The following NDUFC1 variants were observed in gnomAD, a reference collection of about 807,000 sequenced individuals.
NDUFC1 encodes the protein NADH:ubiquinone oxidoreductase subunit C1, also known as NADH dehydrogenase [ubiquinone] 1 subunit C1, mitochondrial.
Under a neutral mutation model 11.6 loss-of-function variants are expected in NDUFC1, and 11 were observed. The observed-to-expected ratio is 0.95, with a 90% confidence interval of 0.60 to 1.58. The LOEUF is 1.58. Among genes scored for constraint, NDUFC1 ranks in the 40% most tolerant of loss-of-function variants. The pLI is 0.00. For missense variants in NDUFC1, 112 were observed against 93.0 expected (o/e 1.20, Z -0.84); for synonymous variants, 52 against 42.2 (o/e 1.23, Z -0.90).
intron 1 of NDUFC1, chr4:139,301,323 G>A: frequency 1.0e-5 from 4 of 399,384 alleles, no homozygotes; most frequent in Non-Finnish European, 1.8e-5. Flanking sequence ...GGCGCTTCGA[G>A]GGTACCACGC....
At chr4:139,295,470 A>G (rs1426034156) in intron 3 of NDUFC1, among the ~76,000 whole-genome samples, 1 of 152,052 alleles carries the variant, frequency 6.6e-6, no homozygotes, top group Non-Finnish European at 1.5e-5. Flanking sequence ...TAACGTACAG[A>G]GGTGGGGAAG....
At chr4:139,301,816 C>G (rs531350160) in intron 1 of NDUFC1, 1 of 1,593,950 alleles carries the variant, frequency 6.3e-7, no homozygotes, top group Non-Finnish European at 8.5e-7. Context: ...AGAATGCGCT[C>G]TTCAAGCGGA....
chr4:139,301,913 C>T, intron 1 of NDUFC1: 1 of 1,435,010 alleles, frequency 7.0e-7, no homozygotes, highest in East Asian at 2.6e-5. Flanking sequence ...GCCCGGCGGG[C>T]ACTGAGCCAC....
In NDUFC1 at chr4:139,295,035, G is replaced by C. The variant is rs1422842668; in HGVS notation, c.171+8C>G. The stretch of plus-strand genomic sequence containing the variant: ...TAGTCTCACGACATCCGGGAGTAAA[G>C]TACTTACATAGATCCACAAGAAGAC... On this transcript the variant is annotated splice_region_variant and intron_variant, in intron 4 of 5. Coordinates refer to ENST00000394223, the MANE Select transcript of NDUFC1 (RefSeq NM_001184989.2). The C allele has an allele frequency of 1.2e-6, 2 of 1,607,854 alleles. No homozygotes were observed. The highest frequency in any genetic ancestry group is 8.5e-7 in the Non-Finnish European group (1 of 1,174,968).
chr4:139,298,193 A>G (rs974945232), intron 1 of NDUFC1, among the ~76,000 whole-genome samples: 1 of 152,194 alleles, frequency 6.6e-6, no homozygotes, highest in African/African-American at 2.4e-5. Flanking sequence ...TAATCCCAGC[A>G]CTTTGGGAGG....
Position 139,295,068 on chromosome 4 carries a change from C to T in NDUFC1, c.146G>A (p.Gly49Asp). 6.2e-7 allele frequency: 1 copy of T among 1,614,070 alleles called. No homozygotes were observed. The highest frequency in any genetic ancestry group is 2.2e-5 in the East Asian group (1 of 44,878). ...ATAGATCCACAAGAAGACAGTGGTG[C>T]CCAAGGTGAACCCAACTTTCAGCCA... ...PDWLKVGFTL[G>D]TTVFLWIYLI... The change falls in exon 4 of 6, where the codon GGC becomes GAC. Residue 49 changes from glycine to aspartate, a missense_variant. Gly to Asp is a moderately conservative substitution (Grantham distance 94, BLOSUM62 -1). Coordinates refer to ENST00000394223, the MANE Select transcript of NDUFC1 (RefSeq NM_001184989.2).
chr4:139,299,503 C>A lies in NDUFC1; in HGVS notation c.-221-2060G>T, dbSNP rs545394954. Among the ~76,000 whole-genome samples, 5 of 152,266 alleles carry A rather than the reference C, an allele frequency of 3.3e-5. No homozygotes were observed. The East Asian group carries it at 9.6e-4, about 29-fold the overall frequency. The stretch of plus-strand genomic sequence containing the variant: ...ATGAATTAACTATCATCAGCAGCAG[C>A]AGCGGCAGCATATAGCCTTGGATAT... On this transcript the variant is annotated intron_variant, in intron 1 of 5. Coordinates refer to ENST00000394223, the MANE Select transcript of NDUFC1 (RefSeq NM_001184989.2).
intron 1 of NDUFC1, chr4:139,302,100 G>A (rs1449092133): frequency 7.8e-6 from 3 of 386,396 alleles, no homozygotes; most frequent in Non-Finnish European, 1.4e-5. Context: ...TAGACTGCCG[G>A]TTCTCATTCT....
At chr4:139,297,251 C>G (rs576424655) in intron 2 of NDUFC1, 134 bp downstream of exon 2, 2 of 152,216 alleles carry the variant, frequency 1.3e-5, no homozygotes, top group Non-Finnish European at 2.9e-5. Flanking sequence ...TATTCAGAAC[C>G]AGTAAGCAAA....
In NDUFC1 at chr4:139,295,079, C is replaced by T. The variant is rs150223888; in HGVS notation, c.135G>A (p.Gly45=). 10 of 1,614,010 alleles carry T rather than the reference C, an allele frequency of 6.2e-6. No homozygotes were observed. In the African/African-American group the frequency reaches 9.3e-5, roughly 15 times the overall value. The change falls in exon 4 of 6, where the codon GGG becomes GGA. Residue 45 remains glycine (G), a synonymous_variant. Transcript: ENST00000394223. ...AGAAGACAGTGGTGCCCAAGGTGAA[C>T]CCAACTTTCAGCCAGTCAGGTTTGG... The part of the protein sequence containing the change: ...PNAKPDWLKV[G]FTLGTTVFLW...
chr4:139,298,607 C>A (rs894032065), intron 1 of NDUFC1, among the ~76,000 whole-genome samples: 3 of 151,896 alleles, frequency 2.0e-5, no homozygotes, highest in Admixed American at 2.0e-4. Flanking sequence ...ACAAAAAAAA[C>A]CCAGAAGCAA....
chr4:139,300,395 T>C (rs1745660047), intron 1 of NDUFC1, among the ~76,000 whole-genome samples: 1 of 152,174 alleles, frequency 6.6e-6, no homozygotes, highest in East Asian at 1.9e-4. Context: ...TAAAATATCT[T>C]TGCAAATAAA....
intron 4 of NDUFC1, among the ~76,000 whole-genome samples, chr4:139,294,239 G>C (rs368322465): frequency 1.3e-5 from 2 of 151,656 alleles, no homozygotes; most frequent in East Asian, 1.9e-4. Flanking sequence ...CACCACGTCC[G>C]GCCTGAAAAT....
At chr4:139,292,809 AAT>A (rs1355202536) in intron 4 of NDUFC1, among the ~76,000 whole-genome samples, 200 bp from the exon 5 acceptor site, 3 of 149,172 alleles carry the variant, frequency 2.0e-5, no homozygotes, top group Admixed American at 6.7e-5. Context: ...GGAGCCCTTA[AAT>A]ATATATATAT....
At chr4:139,295,425 C>T (rs1052453045) in intron 3 of NDUFC1, among the ~76,000 whole-genome samples, 2 of 152,102 alleles carry the variant, frequency 1.3e-5, no homozygotes, top group Admixed American at 6.5e-5. Context: ...AGGGGCGCCC[C>T]GGGGAGGGTG....
At chr4:139,300,948 A>G (rs1745690662) in intron 1 of NDUFC1, 1 of 152,254 alleles carries the variant, frequency 6.6e-6, no homozygotes, top group Non-Finnish European at 1.5e-5. Flanking sequence ...ATCTTAAGCA[A>G]CATTCACCAA....
intron 5 of NDUFC1, among the ~76,000 whole-genome samples, chr4:139,291,078 T>A (rs1396938469): frequency 6.6e-6 from 1 of 150,950 alleles, no homozygotes; most frequent in Admixed American, 6.6e-5. Context: ...TCTCAAAGTG[T>A]TAGGATTACA....
intron 1 of NDUFC1, among the ~76,000 whole-genome samples, chr4:139,299,072 C>T (rs1318506442): frequency 6.6e-6 from 1 of 151,932 alleles, no homozygotes; most frequent in Admixed American, 6.6e-5. Context: ...CAGGTTCAAG[C>T]GATTGTCTTG....
chr4:139,293,302 T>C (rs182241285), intron 4 of NDUFC1, among the ~76,000 whole-genome samples: 2 of 152,262 alleles, frequency 1.3e-5, no homozygotes, highest in East Asian at 3.9e-4. Flanking sequence ...GATACCTTGA[T>C]TGAATGACCA....
Sources: allele counts gnomAD v4.1 joint callset (sites outside exome capture counted in the v4.1 genomes callset), GRCh38; gene constraint gnomAD v4.1.1; transcripts MANE v1.5; gene names NCBI Gene and HGNC (gene_info 2026-07-23, HGNC 2026-07-21).